Variants in CUX1 observed in about 807,000 individuals in gnomAD.
The protein encoded by CUX1 is cut like homeobox 1, also known as protein CASP.
CUX1 carries 31 observed loss-of-function variants against 158.8 expected under a neutral mutation model. The observed-to-expected ratio is 0.20, with a 90% CI of 0.15 to 0.26. The LOEUF is 0.26. Among genes scored for constraint, CUX1 ranks in the 10% least tolerant of loss-of-function variants. CUX1 has a pLI of 1.00. For synonymous variants in CUX1, 879 were observed against 862.1 expected (o/e 1.02, Z -0.34); for missense variants, 1,589 against 2,014.6 (o/e 0.79, Z 4.04).
intron 3 of CUX1, among the ~76,000 whole-genome samples, chr7:102,049,126 G>A (rs1410505065): frequency 1.3e-5 from 2 of 152,268 alleles, no homozygotes; most frequent in Non-Finnish European, 2.9e-5. Context: ...GACCTAGGGG[G>A]ACACAGTACT....
intron 1 of CUX1, among the ~76,000 whole-genome samples, chr7:101,907,346 ATTTTTAT>A (rs1289935720): frequency 6.6e-6 from 1 of 151,194 alleles, no homozygotes; most frequent in East Asian, 2.0e-4. Context: ...ATTTATTTTT[ATTTTTAT>A]TTTTTATTTT....
intron 11 of CUX1, among the ~76,000 whole-genome samples, chr7:102,180,322 T>C (rs1347575702): frequency 2.7e-5 from 4 of 150,338 alleles, no homozygotes; most frequent in Non-Finnish European, 4.4e-5. Flanking sequence ...GCCTTTTTTT[T>C]TTTTTTTTTT....
intron 21 of CUX1, among the ~76,000 whole-genome samples, chr7:102,232,427 T>C (rs1456956878): frequency 6.6e-6 from 1 of 152,188 alleles, no homozygotes; most frequent in Non-Finnish European, 1.5e-5. Flanking sequence ...GTGTGTGGTG[T>C]TTCTATTTCA....
chr7:101,857,437 T>A (rs1796971069), intron 1 of CUX1, among the ~76,000 whole-genome samples: 1 of 152,250 alleles, frequency 6.6e-6, no homozygotes, highest in Non-Finnish European at 1.5e-5. Flanking sequence ...CATAGTCTGC[T>A]TTTGGTATGA....
chr7:102,249,264 G>C lies in CUX1; in HGVS notation c.*222G>C. 3 of 1,062,198 alleles carry C rather than the reference G, an allele frequency of 2.8e-6. No homozygotes were observed. Among genetic ancestry groups the C allele is most frequent in the East Asian group, 6.4e-5 (1 of 15,594 alleles). 65.8% of individuals were successfully genotyped at this position (1,062,198 alleles called of 1,614,324 possible). On this transcript the variant is annotated 3_prime_UTR_variant, in exon 24 of 24. Coordinates refer to ENST00000292535, the MANE Select transcript of CUX1 (RefSeq NM_181552.4). ...GCGGCCCAGACCCACTCTGCGGCCC[G>C]GGCCGACCCTGCGGCCTCCACCAAC...
intron 1 of CUX1, among the ~76,000 whole-genome samples, chr7:101,861,833 C>T (rs1056234081): frequency 2.6e-5 from 4 of 151,702 alleles, no homozygotes; most frequent in East Asian, 1.9e-4. Flanking sequence ...GGCACGATCT[C>T]GGCTTACTGC....
intron 15 of CUX1, chr7:102,274,168 C>T (rs1431697005): frequency 7.6e-6 from 11 of 1,446,816 alleles, no homozygotes; most frequent in Non-Finnish European, 1.1e-5. Context: ...CTGCCATTTG[C>T]CTTGGCCATG....
At chr7:102,005,248 C>T (rs530003364) in intron 2 of CUX1, among the ~76,000 whole-genome samples, 108 of 152,326 alleles carry the variant, frequency 7.1e-4, no homozygotes, top group African/African-American at 2.3e-3. Context: ...TCCACTGGGC[C>T]GGGCGCGGTG....
rs561803509 is a variant in CUX1 at position 101,821,487 on chromosome 7, G to C, written c.30+3818G>C. 1.1e-3 allele frequency among the ~76,000 whole-genome samples: 158 copies of C among 144,728 alleles called. 1 individual carries two copies. The highest frequency in any genetic ancestry group is 8.1e-3 in the East Asian group (37 of 4,588). The allele number at this position is 144,728 out of a possible 152,430, so 94.9% of individuals were successfully genotyped here. On this transcript the variant is annotated intron_variant, in intron 1 of 23. Transcript: ENST00000292535. Reference sequence around the variant, plus strand: ...CCGAGTAGCTGGGACTACAGGCGCTGGCCACCAGGCCTGGCTAATTTTTTG... The same window carrying C: ...CCGAGTAGCTGGGACTACAGGCGCTCGCCACCAGGCCTGGCTAATTTTTTG...
At chr7:101,886,591 G>A (rs1482963389) in intron 1 of CUX1, among the ~76,000 whole-genome samples, 1 of 152,170 alleles carries the variant, frequency 6.6e-6, no homozygotes, top group Non-Finnish European at 1.5e-5. Context: ...GTGGGGAGAA[G>A]CCCCCTGGCC....
chr7:102,137,578 G>A (rs782476112), intron 8 of CUX1, among the ~76,000 whole-genome samples: 1 of 152,162 alleles, frequency 6.6e-6, no homozygotes, highest in Admixed American at 6.6e-5. Context: ...GAAGGTTACA[G>A]TGAGCTGAGA....
At chr7:101,853,668 C>T (rs1184461865) in intron 1 of CUX1, among the ~76,000 whole-genome samples, 1 of 150,726 alleles carries the variant, frequency 6.6e-6, no homozygotes, top group Admixed American at 6.6e-5. Flanking sequence ...AGTAATTAAC[C>T]CAGGTGTCTA....
intron 4 of CUX1, among the ~76,000 whole-genome samples, chr7:102,085,719 A>G (rs1827892789): frequency 6.6e-6 from 1 of 152,128 alleles, no homozygotes; most frequent in Non-Finnish European, 1.5e-5. Flanking sequence ...ATACAACTAT[A>G]GTTTTCTGGT....
intron 3 of CUX1, among the ~76,000 whole-genome samples, chr7:102,044,390 A>G (rs749055370): frequency 2.7e-5 from 4 of 149,712 alleles, no homozygotes; most frequent in Non-Finnish European, 4.4e-5. Context: ...GGGTTTCACT[A>G]TGTTGTCCAG....
chr7:101,868,165 A>G (rs1798119813), intron 1 of CUX1, among the ~76,000 whole-genome samples: 1 of 152,184 alleles, frequency 6.6e-6, no homozygotes, highest in South Asian at 2.1e-4. Flanking sequence ...GAGTAGAATC[A>G]TTCACTTGTG....
intron 20 of CUX1, among the ~76,000 whole-genome samples, chr7:102,222,817 T>TTTTTTTTTTTTTTTC (rs1554527490): frequency 2.1e-5 from 1 of 47,476 alleles, no homozygotes; most frequent in South Asian, 9.2e-4. Context: ...GTATCTTTTT[T>TTTTTTTTTTTTTTTC]TTTTTTTTTT....
At chr7:101,947,029 G>A (rs1208860136) in intron 2 of CUX1, among the ~76,000 whole-genome samples, 3 of 152,230 alleles carry the variant, frequency 2.0e-5, no homozygotes, top group Admixed American at 1.3e-4. Flanking sequence ...GGGTGGGAGA[G>A]TGGAAGTAGG....
At chr7:102,137,469 C>T (rs532447819) in intron 8 of CUX1, among the ~76,000 whole-genome samples, 1 of 152,258 alleles carries the variant, frequency 6.6e-6, no homozygotes, top group Non-Finnish European at 1.5e-5. Context: ...AACCCTGCCT[C>T]TACTGAAAAT....
intron 1 of CUX1, among the ~76,000 whole-genome samples, chr7:101,834,670 CT>C (rs1165022128): frequency 2.6e-5 from 4 of 151,960 alleles, no homozygotes; most frequent in Non-Finnish European, 5.9e-5. Context: ...CGTCCCGTAA[CT>C]TTTTTTTAAA....
Sources: gnomAD v4.1 joint callset for allele counts (sites outside exome capture counted in the v4.1 genomes callset) on GRCh38, gnomAD v4.1.1 for gene constraint, MANE v1.5 for transcripts, NCBI Gene and HGNC (gene_info 2026-07-23, HGNC 2026-07-21) for gene names.